NEDD4L: variants seen among roughly 807,000 people sequenced by gnomAD.
The protein encoded by NEDD4L is NEDD4 like E3 ubiquitin protein ligase.
In NEDD4L, 54 loss-of-function variants were observed where a neutral mutation model predicts 148.9. That is an observed-to-expected ratio of 0.36 (90% CI 0.29 to 0.45). The LOEUF (loss-of-function observed/expected upper bound fraction) is 0.45. Ranked by LOEUF, NEDD4L falls within the 20% of genes least tolerant of loss-of-function variation. The pLI is 1.00. For missense variants in NEDD4L, 856 were observed against 1,233.8 expected, an observed-to-expected ratio of 0.69 and a Z score of 4.59; for synonymous variants, 433 against 440.7, an observed-to-expected ratio of 0.98 and a Z score of 0.22.
At chr18:58,183,000 G>A (rs1311911788) in intron 2 of NEDD4L, among the ~76,000 whole-genome samples, 2 of 152,192 alleles carry the variant, frequency 1.3e-5, no homozygotes, top group African/African-American at 4.8e-5. Context: ...GGTAACCTGG[G>A]TTGTCACTGG....
chr18:58,295,669 T>C (rs1246012526), intron 5 of NEDD4L, among the ~76,000 whole-genome samples: 1 of 152,062 alleles, frequency 6.6e-6, no homozygotes, highest in Non-Finnish European at 1.5e-5. Flanking sequence ...CTGGGTGTCA[T>C]GTTGAGTGGT....
chr18:58,207,766 A>G (rs1049514637), intron 2 of NEDD4L, among the ~76,000 whole-genome samples: 3 of 152,222 alleles, frequency 2.0e-5, no homozygotes, highest in Admixed American at 6.5e-5. Context: ...AGCAGGATCC[A>G]GGTCAGGTTT....
chr18:58,280,090 T>C (rs2148948200), intron 5 of NEDD4L, among the ~76,000 whole-genome samples: 1 of 152,298 alleles, frequency 6.6e-6, no homozygotes, highest in East Asian at 1.9e-4. Context: ...TATTTTGTTT[T>C]TGAGATGGGG....
chr18:58,266,147 G>T (rs1239881238), intron 5 of NEDD4L, among the ~76,000 whole-genome samples: 1 of 151,974 alleles, frequency 6.6e-6, no homozygotes, highest in Non-Finnish European at 1.5e-5. Flanking sequence ...AATTATATGT[G>T]CATATAACCA....
intron 6 of NEDD4L, among the ~76,000 whole-genome samples, chr18:58,320,774 C>A (rs1475081531): frequency 6.6e-6 from 1 of 152,024 alleles, no homozygotes; most frequent in Non-Finnish European, 1.5e-5. Context: ...ATGATTGTGC[C>A]CCTATACTCC....
intron 5 of NEDD4L, among the ~76,000 whole-genome samples, chr18:58,300,001 T>A (rs2056244388): frequency 6.6e-6 from 1 of 151,374 alleles, no homozygotes; most frequent in Admixed American, 6.6e-5. Flanking sequence ...GAATTGGAGG[T>A]TTTACTTTGA....
At chr18:58,319,660 T>C (rs2058601845) in intron 6 of NEDD4L, among the ~76,000 whole-genome samples, 1 of 152,214 alleles carries the variant, frequency 6.6e-6, no homozygotes, top group Admixed American at 6.5e-5. Flanking sequence ...GGGAACAGGA[T>C]CAGATTGGAA....
chr18:58,347,429 C>T (rs1376898135), intron 16 of NEDD4L, among the ~76,000 whole-genome samples: 5 of 152,082 alleles, frequency 3.3e-5, no homozygotes, highest in Non-Finnish European at 7.4e-5. Context: ...TGTGGCGTTA[C>T]CTGGTCCGGA....
intron 2 of NEDD4L, among the ~76,000 whole-genome samples, chr18:58,203,155 C>T (rs1034470782): frequency 1.3e-5 from 2 of 152,014 alleles, no homozygotes; most frequent in African/African-American, 2.4e-5. Context: ...TTTGTAGAGA[C>T]GGATTCTTAC....
intron 1 of NEDD4L, among the ~76,000 whole-genome samples, chr18:58,161,380 T>C (rs8088164): frequency 0.16 from 24,604 of 151,738 alleles, 2,134 homozygotes; most frequent in East Asian, 0.21. Context: ...TCGTTAACGG[T>C]GAAGTTAAAA....
At chr18:58,153,348 T>C (rs184608063) in intron 1 of NEDD4L, among the ~76,000 whole-genome samples, 58 of 151,446 alleles carry the variant, frequency 3.8e-4, no homozygotes, top group African/African-American at 1.4e-3. Flanking sequence ...TTTTTTTTTT[T>C]TTTTTTTTAA....
intron 5 of NEDD4L, among the ~76,000 whole-genome samples, chr18:58,260,679 G>A (rs1377996742): frequency 2.0e-5 from 3 of 152,228 alleles, no homozygotes; most frequent in Non-Finnish European, 4.4e-5. Context: ...GTATTTATGT[G>A]TGTGTGTATA....
chr18:58,167,055 T>G (rs943226233), intron 2 of NEDD4L, among the ~76,000 whole-genome samples: 1 of 152,192 alleles, frequency 6.6e-6, no homozygotes, highest in Admixed American at 6.5e-5. Context: ...AGAAAAAAAT[T>G]GTTGCAAATG....
chr18:58,334,274 G>A (rs1601386005), intron 12 of NEDD4L, among the ~76,000 whole-genome samples: 2 of 152,158 alleles, frequency 1.3e-5, no homozygotes, highest in South Asian at 4.2e-4. Context: ...TCTTCTGGGC[G>A]ACCGTCCACA....
chr18:58,235,495 A>T, intron 2 of NEDD4L, among the ~76,000 whole-genome samples: 1 of 152,304 alleles, frequency 6.6e-6, no homozygotes, highest in East Asian at 1.9e-4. Context: ...TGTCTGCCAG[A>T]ATTAATTAAA....
rs1249243158 is a variant in NEDD4L at position 58,161,023 on chromosome 18, T to TC, written c.49-4765_49-4764insC. Among the ~76,000 whole-genome samples, 3 of 152,052 alleles carry TC rather than the reference T, an allele frequency of 2.0e-5. No homozygotes were observed. The East Asian group carries it at 5.8e-4, about 29-fold the overall frequency. On this transcript the variant is annotated intron_variant, in intron 1 of 30. Transcript: ENST00000400345. ...ATAGGGTTGTTTTTCTTTCTTTCTT[T>TC]TTTTTTTCTTTGAGACAGGGTCTCA... is the stretch of plus-strand genomic sequence containing the variant.
intron 2 of NEDD4L, among the ~76,000 whole-genome samples, chr18:58,203,865 A>T (rs975602658): frequency 1.3e-5 from 2 of 152,226 alleles, no homozygotes; most frequent in East Asian, 3.8e-4. Context: ...TTATAAGGGC[A>T]TAATTAGAGA....
chr18:58,221,640 G>A (rs1276827993), intron 2 of NEDD4L: 1 of 985,466 alleles, frequency 1.0e-6, no homozygotes, highest in African/African-American at 1.7e-5. Context: ...CTTTAAAACT[G>A]GGAAGGAGGA....
chr18:58,288,318 A>T (rs1441989560), intron 5 of NEDD4L, among the ~76,000 whole-genome samples: 1 of 152,250 alleles, frequency 6.6e-6, no homozygotes, highest in Non-Finnish European at 1.5e-5. Flanking sequence ...AGAAACATGC[A>T]TAAGTAACCC....
Sources: gnomAD v4.1 joint callset for allele counts (sites outside exome capture counted in the v4.1 genomes callset) on GRCh38, gnomAD v4.1.1 for gene constraint, MANE v1.5 for transcripts, NCBI Gene and HGNC (gene_info 2026-07-23, HGNC 2026-07-21) for gene names.